KCNH1: variants seen among roughly 807,000 people sequenced by gnomAD.
KCNH1 encodes potassium voltage-gated channel subfamily H member 1.
A neutral mutation model predicts 69.2 loss-of-function variants in KCNH1; 27 were observed. The observed-to-expected ratio is 0.39, with a 90% CI of 0.29 to 0.54. The LOEUF is 0.54. KCNH1 is among the 20% of genes least tolerant of loss of function. KCNH1 has a pLI of 0.68. For missense variants in KCNH1, 798 were observed against 1,261.6 expected, an observed-to-expected ratio of 0.63 and a Z score of 5.57; for synonymous variants, 456 against 487.7, an observed-to-expected ratio of 0.93 and a Z score of 0.86.
At chr1:210,870,142 T>A (rs1404834064) in intron 7 of KCNH1, among the ~76,000 whole-genome samples, 1 of 152,160 alleles carries the variant, frequency 6.6e-6, no homozygotes, top group African/African-American at 2.4e-5. Context: ...CTGTACTAAT[T>A]ACCAAAAGGA....
chr1:210,831,460 C>A (rs1246941428), intron 7 of KCNH1, among the ~76,000 whole-genome samples: 6 of 152,174 alleles, frequency 3.9e-5, no homozygotes, highest in Admixed American at 3.9e-4. Context: ...AGAAAGGGAG[C>A]TGAGATTAGC....
Position 210,919,757 on chromosome 1 carries a change from C to T in KCNH1, c.1345G>A (p.Val449Ile). The stretch of plus-strand genomic sequence containing the variant: ...GTGAAATACAACGAGGAGATGTAGA[C>T]AGAATTCTTGCTGGGACCACCTTCC... ...KWEGGPSKNS[V>I]YISSLYFTMT... The change falls in exon 7 of 11, where the codon GTC (valine) becomes ATC (isoleucine). Residue 449 changes from valine (V) to isoleucine (I), a missense_variant. This residue lies in a region of KCNH1 where 197 missense variants were observed against 407.7 expected (regional missense o/e 0.48). Coordinates refer to ENST00000271751, the MANE Select transcript of KCNH1 (RefSeq NM_172362.3). This position sits in a 1 kb window ranked among gnomAD's most constrained non-coding sequence, Gnocchi z 4.2. 1 of 1,614,184 alleles carries T rather than the reference C, an allele frequency of 6.2e-7. No individual in the cohort carries two copies. Among genetic ancestry groups the T allele is most frequent in the East Asian group, 2.2e-5 (1 of 44,878 alleles).
intron 7 of KCNH1, among the ~76,000 whole-genome samples, chr1:210,914,332 G>A (rs960308333): frequency 6.6e-6 from 1 of 152,156 alleles, no homozygotes; most frequent in African/African-American, 2.4e-5. Context: ...TGGCAATTGT[G>A]ACCCACATTG....
chr1:210,870,746 T>C (rs767015708), intron 7 of KCNH1, among the ~76,000 whole-genome samples: 14 of 152,194 alleles, frequency 9.2e-5, no homozygotes, highest in Non-Finnish European at 2.1e-4. Context: ...CTCTTTCTAA[T>C]ATCTCCTTGG....
intron 7 of KCNH1, among the ~76,000 whole-genome samples, chr1:210,812,757 C>T (rs759813368): frequency 6.6e-6 from 1 of 152,142 alleles, no homozygotes; most frequent in African/African-American, 2.4e-5. Flanking sequence ...TGAGATAGAG[C>T]AAATAGAGTC....
At chr1:211,085,611 G>A (rs1690938286) in intron 4 of KCNH1, among the ~76,000 whole-genome samples, 1 of 152,088 alleles carries the variant, frequency 6.6e-6, no homozygotes, top group African/African-American at 2.4e-5. Flanking sequence ...TACAGAGTCA[G>A]GACTCTGAAA....
At chr1:210,721,039 T>A (rs1271597990) in intron 10 of KCNH1, among the ~76,000 whole-genome samples, 1 of 152,094 alleles carries the variant, frequency 6.6e-6, no homozygotes, top group Non-Finnish European at 1.5e-5. Flanking sequence ...CAAGTACAAC[T>A]CCTCATTTGA....
chr1:211,061,012 A>G (rs1332700183), intron 5 of KCNH1, among the ~76,000 whole-genome samples: 1 of 152,212 alleles, frequency 6.6e-6, no homozygotes, highest in Non-Finnish European at 1.5e-5. Flanking sequence ...TCAAAAAAAG[A>G]CAACTACAGG....
intron 6 of KCNH1, among the ~76,000 whole-genome samples, chr1:210,985,874 A>G (rs747178634): frequency 5.3e-5 from 8 of 152,118 alleles, no homozygotes; most frequent in Non-Finnish European, 8.8e-5. Flanking sequence ...TCTAATGTTG[A>G]CAGTAGGGTG....
intron 6 of KCNH1, among the ~76,000 whole-genome samples, chr1:210,957,759 T>C (rs1688207242): frequency 6.6e-6 from 1 of 152,192 alleles, no homozygotes; most frequent in Non-Finnish European, 1.5e-5. Context: ...TGCTTTCCAT[T>C]TGCTTGGTAG....
At chr1:210,983,513 T>A (rs1411709889) in intron 6 of KCNH1, among the ~76,000 whole-genome samples, 4 of 152,232 alleles carry the variant, frequency 2.6e-5, no homozygotes. Context: ...CCCAGCACCA[T>A]TTATTAAATA....
intron 7 of KCNH1, among the ~76,000 whole-genome samples, chr1:210,876,271 A>C (rs1008274035): frequency 7.2e-5 from 11 of 152,198 alleles, no homozygotes; most frequent in East Asian, 1.9e-4. Flanking sequence ...TGATATACAA[A>C]GATTGGTAGA....
intron 1 of KCNH1, among the ~76,000 whole-genome samples, chr1:211,112,699 C>A (rs189855512): frequency 8.9e-4 from 136 of 152,114 alleles, no homozygotes; most frequent in African/African-American, 2.3e-3. Flanking sequence ...CTCTAGGGAG[C>A]AAGATTCCCT....
intron 6 of KCNH1, among the ~76,000 whole-genome samples, chr1:210,957,330 C>G (rs974439781): frequency 6.6e-6 from 1 of 152,044 alleles, no homozygotes; most frequent in Non-Finnish European, 1.5e-5. Flanking sequence ...TCCTTTATGT[C>G]CAATTATGTT....
chr1:211,101,691 T>TCA (rs1300471388), intron 3 of KCNH1, among the ~76,000 whole-genome samples: 1 of 152,164 alleles, frequency 6.6e-6, no homozygotes, highest in South Asian at 2.1e-4. Context: ...TGCCTTGTAC[T>TCA]CACAATAAAA....
intron 4 of KCNH1, 88 bp downstream of exon 4, chr1:211,090,474 G>GACAA (rs1691032947): frequency 6.0e-6 from 7 of 1,167,150 alleles, no homozygotes; most frequent in Non-Finnish European, 8.4e-6. Flanking sequence ...TAAAGTGATT[G>GACAA]CCTTGACAAC....
At chr1:210,787,063 C>T (rs1309055564) in intron 9 of KCNH1, among the ~76,000 whole-genome samples, 1 of 152,120 alleles carries the variant, frequency 6.6e-6, no homozygotes, top group Non-Finnish European at 1.5e-5. Flanking sequence ...CTCACTGGCT[C>T]TCCATTACCC....
At chr1:210,747,642 C>CAAAAAA (rs11449700) in intron 10 of KCNH1, among the ~76,000 whole-genome samples, 3 of 141,412 alleles carry the variant, frequency 2.1e-5, no homozygotes, top group Non-Finnish European at 3.1e-5. Flanking sequence ...CTTTCACATG[C>CAAAAAA]AAAAAAAAAA....
intron 7 of KCNH1, among the ~76,000 whole-genome samples, chr1:210,882,456 C>A (rs1488692321): frequency 6.6e-6 from 1 of 152,162 alleles, no homozygotes; most frequent in Admixed American, 6.5e-5. Flanking sequence ...CATTGTATAA[C>A]ATCTAAACTC....
Sources: allele counts gnomAD v4.1 joint callset (sites outside exome capture counted in the v4.1 genomes callset), GRCh38; gene constraint gnomAD v4.1.1; regional missense constraint gnomAD v4.1.1; non-coding constraint Gnocchi (gnomAD v3.1); transcripts MANE v1.5; gene names NCBI Gene and HGNC (gene_info 2026-07-23, HGNC 2026-07-21).